Variants in SNX29 observed in about 807,000 individuals in gnomAD.
The protein encoded by SNX29 is sorting nexin 29.
A neutral mutation model predicts 102.1 loss-of-function variants in SNX29; 78 were observed. That is an observed-to-expected ratio of 0.76 (90% CI 0.64 to 0.92). The LOEUF (loss-of-function observed/expected upper bound fraction) is 0.92. Among genes scored for constraint, SNX29 ranks in the 40% least tolerant of loss-of-function variants. The probability of loss-of-function intolerance (pLI) is 0.00; values close to 1 mark genes in which losing one functional copy is unlikely to be tolerated. For missense variants in SNX29, 1,280 were observed against 1,061.7 expected (o/e 1.21, Z -2.86); for synonymous variants, 580 against 414.5 (o/e 1.40, Z -4.85).
At chr16:12,492,765 C>T (rs2088616707) in intron 19 of SNX29, among the ~76,000 whole-genome samples, 1 of 152,178 alleles carries the variant, frequency 6.6e-6, no homozygotes, top group Non-Finnish European at 1.5e-5. Flanking sequence ...CCAGTTTTCC[C>T]AGCACCATTT....
chr16:12,267,485 G>A (rs928950423), intron 14 of SNX29, among the ~76,000 whole-genome samples: 3 of 152,184 alleles, frequency 2.0e-5, no homozygotes, highest in African/African-American at 7.2e-5. Context: ...TGTCCAGGCT[G>A]TGATGTGCTC....
chr16:12,153,695 C>G (rs144279072), intron 13 of SNX29, among the ~76,000 whole-genome samples: 2 of 149,968 alleles, frequency 1.3e-5, no homozygotes, highest in Admixed American at 1.3e-4. Flanking sequence ...TCAGGCTGGT[C>G]TCGAACTCAT....
At chr16:12,431,737 C>T (rs1429357617) in intron 18 of SNX29, among the ~76,000 whole-genome samples, 2 of 152,152 alleles carry the variant, frequency 1.3e-5, no homozygotes, top group Non-Finnish European at 2.9e-5. Context: ...GGGTGTTGCT[C>T]TTGGTCACAG....
At chr16:12,487,727 C>T (rs751248760) in intron 19 of SNX29, among the ~76,000 whole-genome samples, 1 of 152,174 alleles carries the variant, frequency 6.6e-6, no homozygotes. Context: ...GCAGGGAGTT[C>T]ACACACCATC....
At chr16:12,468,843 A>G (rs919773921) in intron 18 of SNX29, among the ~76,000 whole-genome samples, 3 of 152,222 alleles carry the variant, frequency 2.0e-5, no homozygotes, top group African/African-American at 7.2e-5. Flanking sequence ...TCCAGTTCTC[A>G]TCATGTCTAA....
chr16:12,204,313 G>C (rs547312063), intron 14 of SNX29, among the ~76,000 whole-genome samples: 7 of 152,312 alleles, frequency 4.6e-5, no homozygotes, highest in African/African-American at 1.7e-4. Flanking sequence ...TATAGCTCAT[G>C]TGTTCTATGG....
chr16:12,242,069 C>G (rs949646175), intron 14 of SNX29, among the ~76,000 whole-genome samples: 71 of 152,040 alleles, frequency 4.7e-4, no homozygotes, highest in African/African-American at 1.7e-3. Flanking sequence ...GGGTTGGAGT[C>G]AGGCCTGGGG....
intron 20 of SNX29, among the ~76,000 whole-genome samples, chr16:12,535,825 G>A (rs1032064942): frequency 2.0e-5 from 3 of 152,060 alleles, no homozygotes; most frequent in African/African-American, 4.8e-5. Context: ...CCGCCACTTT[G>A]GCCTCTCAGT....
intron 19 of SNX29, among the ~76,000 whole-genome samples, chr16:12,492,574 C>A (rs895474315): frequency 6.6e-6 from 1 of 152,136 alleles, no homozygotes; most frequent in Non-Finnish European, 1.5e-5. Context: ...GTTGCCATTG[C>A]TTTTGGTGTT....
intron 11 of SNX29, among the ~76,000 whole-genome samples, chr16:12,085,639 C>T (rs1050946792): frequency 6.6e-6 from 1 of 151,960 alleles, no homozygotes; most frequent in African/African-American, 2.4e-5. Flanking sequence ...CACCCTACTT[C>T]TCTAATAAAA....
intron 20 of SNX29, among the ~76,000 whole-genome samples, chr16:12,540,246 C>T (rs938821690): frequency 2.0e-5 from 3 of 152,150 alleles, no homozygotes; most frequent in African/African-American, 7.2e-5. Context: ...CCGCTCCCCC[C>T]ACCCCCAGCG....
chr16:12,541,920 C>T (rs1009417956), intron 20 of SNX29, among the ~76,000 whole-genome samples: 2 of 152,182 alleles, frequency 1.3e-5, no homozygotes, highest in Admixed American at 6.5e-5. Flanking sequence ...CCACTGATTG[C>T]CCACGGTACA....
chr16:12,352,609 T>C (rs1053583759), intron 15 of SNX29, among the ~76,000 whole-genome samples: 1 of 152,248 alleles, frequency 6.6e-6, no homozygotes, highest in Non-Finnish European at 1.5e-5. Context: ...GAAACCCAGA[T>C]GATGACTCAT....
chr16:12,405,881 A>T (rs1285563972), intron 18 of SNX29, among the ~76,000 whole-genome samples: 1 of 151,848 alleles, frequency 6.6e-6, no homozygotes, highest in East Asian at 1.9e-4. Context: ...TAAAAATACA[A>T]ATTAGCCAGG....
intron 18 of SNX29, among the ~76,000 whole-genome samples, chr16:12,439,152 G>T (rs749453331): frequency 2.3e-4 from 35 of 152,316 alleles, no homozygotes; most frequent in Non-Finnish European, 4.6e-4. Flanking sequence ...CCTGGTTGCA[G>T]GGGCACCTGA....
At chr16:12,567,585 G>C (rs1239399111) in intron 20 of SNX29, among the ~76,000 whole-genome samples, 1 of 152,072 alleles carries the variant, frequency 6.6e-6, no homozygotes, top group Non-Finnish European at 1.5e-5. Context: ...GCCTGGACAA[G>C]AGCAAGACCC....
At chr16:12,011,680 T>C (rs1163911470) in intron 3 of SNX29, among the ~76,000 whole-genome samples, 1 of 152,180 alleles carries the variant, frequency 6.6e-6, no homozygotes, top group Non-Finnish European at 1.5e-5. Context: ...GTTAGCACCG[T>C]CATCTTCGTC....
intron 4 of SNX29, among the ~76,000 whole-genome samples, chr16:12,042,591 T>C (rs1338407897): frequency 6.6e-6 from 1 of 152,224 alleles, no homozygotes; most frequent in African/African-American, 2.4e-5. Context: ...TTTCGTTTTC[T>C]ATTTCTGTGT....
At chr16:12,290,554 G>T (rs2079758962) in intron 15 of SNX29, among the ~76,000 whole-genome samples, 2 of 152,228 alleles carry the variant, frequency 1.3e-5, no homozygotes, top group Non-Finnish European at 2.9e-5. Flanking sequence ...ATGACCTCTG[G>T]TACCTGGTTG....
Sources: allele counts gnomAD v4.1 joint callset (sites outside exome capture counted in the v4.1 genomes callset), GRCh38; gene constraint gnomAD v4.1.1; transcripts MANE v1.5; gene names NCBI Gene and HGNC (gene_info 2026-07-23, HGNC 2026-07-21).